Variants in JAM3 observed in about 807,000 individuals in gnomAD.
JAM3 encodes the protein junctional adhesion molecule C.
Under a neutral mutation model 39.4 loss-of-function variants are expected in JAM3, and 31 were observed. That is an observed-to-expected ratio of 0.79 (90% CI 0.59 to 1.06). The LOEUF (loss-of-function observed/expected upper bound fraction) is 1.06. JAM3 is among the 50% of genes least tolerant of loss of function. JAM3 has a pLI of 0.00. For synonymous variants in JAM3, 182 were observed against 148.7 expected, an observed-to-expected ratio of 1.22 and a Z score of -1.63; for missense variants, 455 against 391.4, an observed-to-expected ratio of 1.16 and a Z score of -1.37.
At chr11:134,145,714 A>G (rs906595374) in intron 5 of JAM3, among the ~76,000 whole-genome samples, 16 of 152,114 alleles carry the variant, frequency 1.1e-4, no homozygotes, top group African/African-American at 3.9e-4. Context: ...GCAAGGTTCC[A>G]CCTCCCATTT....
intron 1 of JAM3, among the ~76,000 whole-genome samples, chr11:134,124,755 G>A (rs1942610967): frequency 1.3e-5 from 2 of 152,212 alleles, no homozygotes; most frequent in Admixed American, 1.3e-4. Flanking sequence ...GCCGGTCGGT[G>A]TGTCCAGGAG....
intron 1 of JAM3, among the ~76,000 whole-genome samples, chr11:134,110,940 A>G (rs1304482578): frequency 6.6e-6 from 1 of 152,014 alleles, no homozygotes; most frequent in Non-Finnish European, 1.5e-5. Flanking sequence ...GAAAAAGGAT[A>G]CACTAGCTCT....
At chr11:134,113,516 A>T (rs499444) in intron 1 of JAM3, among the ~76,000 whole-genome samples, 31,481 of 152,154 alleles carry the variant, frequency 0.21, 3,472 homozygotes, top group East Asian at 0.39. Flanking sequence ...AACAAAGGAC[A>T]TGAACTCATC....
chr11:134,130,621 T>C (rs1942752533), intron 1 of JAM3, among the ~76,000 whole-genome samples: 1 of 152,154 alleles, frequency 6.6e-6, no homozygotes, highest in Non-Finnish European at 1.5e-5. Context: ...CAAGCAAATA[T>C]CTAACCAAAA....
At chr11:134,109,453 T>G (rs910744236) in intron 1 of JAM3, among the ~76,000 whole-genome samples, 1 of 152,262 alleles carries the variant, frequency 6.6e-6, no homozygotes, top group African/African-American at 2.4e-5. Flanking sequence ...TGCCTGGTTT[T>G]TTGTTATTTG....
In JAM3 at chr11:134,149,844, GGAAAACCTTC is replaced by G; in HGVS notation, c.*665_*674del. On this transcript the variant is annotated 3_prime_UTR_variant, in exon 9 of 9. Transcript: ENST00000299106. ...TGTCCAACAGGGTGTCAGGATTTAA[GGAAAACCTTC>G]GTCTTAGGCTAAGTCTGAAATGGTA... 3.0e-6 allele frequency: 1 copy of G among 330,658 alleles called. No homozygotes were observed. The highest frequency in any genetic ancestry group is 6.0e-6 in the Non-Finnish European group (1 of 166,862). 20.5% of individuals were successfully genotyped at this position (330,658 alleles called of 1,614,324 possible).
chr11:134,083,533 T>C (rs954753318), intron 1 of JAM3, among the ~76,000 whole-genome samples: 22 of 152,310 alleles, frequency 1.4e-4, no homozygotes, highest in African/African-American at 5.1e-4. Context: ...TGCTCTCTCC[T>C]GAACTCACAG....
chr11:134,103,542 G>T (rs150539923), intron 1 of JAM3, among the ~76,000 whole-genome samples: 1 of 152,242 alleles, frequency 6.6e-6, no homozygotes, highest in East Asian at 1.9e-4. Context: ...TGGGCTAAAT[G>T]CTCCAATTAA....
intron 1 of JAM3, among the ~76,000 whole-genome samples, chr11:134,127,234 A>T (rs1163079723): frequency 6.6e-6 from 1 of 152,224 alleles, no homozygotes; most frequent in Non-Finnish European, 1.5e-5. Context: ...TGGCCACATC[A>T]TCGGTTGTAA....
chr11:134,120,590 G>A (rs1296167450), intron 1 of JAM3, among the ~76,000 whole-genome samples: 2 of 152,166 alleles, frequency 1.3e-5, no homozygotes, highest in African/African-American at 4.8e-5. Context: ...GAAGCCTCCC[G>A]TCTCCCAGTG....
At chr11:134,121,441 C>G (rs935623272) in intron 1 of JAM3, among the ~76,000 whole-genome samples, 1 of 151,912 alleles carries the variant, frequency 6.6e-6, no homozygotes, top group Non-Finnish European at 1.5e-5. Flanking sequence ...CTCATTTCCT[C>G]TCCTGCCTTA....
chr11:134,119,189 G>C (rs551966806), intron 1 of JAM3, among the ~76,000 whole-genome samples: 1 of 152,208 alleles, frequency 6.6e-6, no homozygotes, highest in Admixed American at 6.5e-5. Flanking sequence ...GTCTCCCAAA[G>C]TGCTGGGATC....
intron 1 of JAM3, among the ~76,000 whole-genome samples, chr11:134,084,382 A>C (rs550253609): frequency 6.6e-6 from 1 of 152,344 alleles, no homozygotes; most frequent in South Asian, 2.1e-4. Context: ...CAATTTCCTT[A>C]TCTATAAAAG....
Position 134,148,945 on chromosome 11 carries a change from C to T in JAM3, c.897+127C>T, listed in dbSNP as rs554971942. ...TGTGCAGCTCCTGAGCTCCTCAGCC[C>T]CTTCACAGTAACACACACACACACA... On this transcript the variant is annotated intron_variant, in intron 8 of 8. Coordinates refer to ENST00000299106, the MANE Select transcript of JAM3 (RefSeq NM_032801.5). The T allele has an allele frequency of 1.7e-4, 161 of 963,518 alleles. 1 individual carries two copies. In the East Asian group the frequency reaches 3.6e-3, roughly 21 times the overall value. The allele number at this position is 963,518 out of a possible 1,614,324, so 59.7% of individuals were successfully genotyped here.
rs147941916 is a variant in JAM3 at position 134,071,717 on chromosome 11, C to G, written c.76+2558C>G. ...GAAATTTTTGAAAAAATGTTTAATT[C>G]TTTTATTTGCATCTGTTTGGACTCC... On this transcript the variant is annotated intron_variant, in intron 1 of 8. Coordinates refer to ENST00000299106, the MANE Select transcript of JAM3 (RefSeq NM_032801.5). Among the ~76,000 whole-genome samples the G allele has an allele frequency of 4.7e-3, 709 of 152,170 alleles. 6 individuals are homozygous for G. Among genetic ancestry groups the G allele is most frequent in the African/African-American group, 0.016 (677 of 41,524 alleles).
intron 1 of JAM3, among the ~76,000 whole-genome samples, chr11:134,102,758 G>T (rs1942100140): frequency 6.6e-6 from 1 of 152,190 alleles, no homozygotes; most frequent in Non-Finnish European, 1.5e-5. Context: ...GGAAGAAAGG[G>T]TATCAGTGAT....
chr11:134,115,371 G>T (rs1223020232), intron 1 of JAM3, among the ~76,000 whole-genome samples: 1 of 152,084 alleles, frequency 6.6e-6, no homozygotes, highest in Non-Finnish European at 1.5e-5. Flanking sequence ...TACTGATATA[G>T]TTAGGTTTAA....
At chr11:134,140,847 T>A in intron 3 of JAM3, 77 bp downstream of exon 3, 1 of 1,542,682 alleles carries the variant, frequency 6.5e-7, no homozygotes, top group Admixed American at 1.9e-5. Flanking sequence ...GGCCAGAAAC[T>A]TACCTCAGAC....
intron 2 of JAM3, 100 bp downstream of exon 2, chr11:134,140,016 G>C: frequency 3.1e-6 from 3 of 976,728 alleles, no homozygotes; most frequent in Non-Finnish European, 4.9e-6. Context: ...AAGTGTGCCA[G>C]GGAGATGTTC....
Sources: allele counts gnomAD v4.1 joint callset (sites outside exome capture counted in the v4.1 genomes callset), GRCh38; gene constraint gnomAD v4.1.1; transcripts MANE v1.5; gene names NCBI Gene and HGNC (gene_info 2026-07-23, HGNC 2026-07-21).